Variants in CD96 observed in about 807,000 individuals in gnomAD.
CD96 encodes the protein CD96 molecule.
CD96 carries 70 observed loss-of-function variants against 71.3 expected under a neutral mutation model. The ratio of observed to expected loss-of-function variants is 0.98; its 90% CI spans 0.81 to 1.20. The LOEUF (loss-of-function observed/expected upper bound fraction) is 1.20. Ranked by LOEUF, CD96 falls within the 50% of genes most tolerant of loss-of-function variation. The pLI is 0.00. For missense variants in CD96, 742 were observed against 677.5 expected (o/e 1.10, Z -1.06); for synonymous variants, 248 against 233.0 (o/e 1.06, Z -0.59).
At chr3:111,625,035 G>A (rs751072689) in intron 10 of CD96, among the ~76,000 whole-genome samples, 2 of 152,242 alleles carry the variant, frequency 1.3e-5, no homozygotes, top group Non-Finnish European at 2.9e-5. Context: ...GAGAGAGGAC[G>A]ATGGATGCCA....
At chr3:111,611,892 G>A (rs532635943) in intron 8 of CD96, among the ~76,000 whole-genome samples, 1 of 152,312 alleles carries the variant, frequency 6.6e-6, no homozygotes, top group East Asian at 1.9e-4. Context: ...AACTCATTTA[G>A]CCCCAATTCA....
At position 111,649,718 on chromosome 3, in the gene CD96, T is replaced by G. The variant is rs760873204; in HGVS notation, c.1622T>G (p.Phe541Cys). The change falls in exon 14 of 14, where the codon TTC becomes TGC. Residue 541 changes from phenylalanine to cysteine, a missense_variant. Physicochemically the swap from Phe to Cys is radical, Grantham distance 205 (BLOSUM62 -2). Transcript: ENST00000352690. Reference sequence around the variant, plus strand: ...CCTAGAATGGAAAGACCTCCACCTTTCAAGCCACCACCACCTCCCATCAAG... The same window carrying G: ...CCTAGAATGGAAAGACCTCCACCTTGCAAGCCACCACCACCTCCCATCAAG... ...QKEIMERPPP[F>C]KPPPPPIKYT... 1.1e-5 allele frequency: 17 copies of G among 1,613,728 alleles called. No individual in the cohort carries two copies. The highest frequency in any genetic ancestry group is 1.7e-4 in the Middle Eastern group (1 of 6,060).
intron 2 of CD96, among the ~76,000 whole-genome samples, chr3:111,554,921 A>G (rs1431371752): frequency 6.6e-6 from 1 of 152,028 alleles, no homozygotes; most frequent in Admixed American, 6.6e-5. Context: ...ATCATCAGGC[A>G]TTAGATTCTC....
intron 5 of CD96, among the ~76,000 whole-genome samples, chr3:111,587,373 C>T (rs561285442): frequency 2.2e-4 from 34 of 152,274 alleles, no homozygotes; most frequent in African/African-American, 7.7e-4. Flanking sequence ...CCTCTTCTCA[C>T]ATCTCTGCTA....
chr3:111,593,817 G>C, intron 5 of CD96: 1 of 1,614,156 alleles, frequency 6.2e-7, no homozygotes, highest in East Asian at 2.2e-5. Context: ...GGGAGCTGGG[G>C]CCCGTGGGGC....
In CD96 at chr3:111,567,513, T is replaced by C. The variant is rs760810384; in HGVS notation, c.419-10T>C. ...GATTCACATATTTTCTACCTTATGT[T>C]TTGTTACAGTTACAGCAGATGAATG... On this transcript the variant is annotated splice_polypyrimidine_tract_variant and intron_variant, in intron 2 of 13. Transcript: ENST00000352690. 6.2e-7 allele frequency: 1 copy of C among 1,605,206 alleles called. No homozygotes were observed. The highest frequency in any genetic ancestry group is 1.7e-5 in the Admixed American group (1 of 60,000).
chr3:111,609,115 A>C (rs1012582036), intron 8 of CD96, among the ~76,000 whole-genome samples: 1 of 152,088 alleles, frequency 6.6e-6, no homozygotes, highest in Non-Finnish European at 1.5e-5. Flanking sequence ...AGAGCTCGAA[A>C]GAACGTTCTA....
chr3:111,555,861 T>C (rs1052713780), intron 2 of CD96, among the ~76,000 whole-genome samples: 5 of 152,304 alleles, frequency 3.3e-5, no homozygotes, highest in African/African-American at 9.6e-5. Context: ...TCCATCCCCT[T>C]ACTCTTTCAC....
At chr3:111,562,079 C>T (rs891167293) in intron 2 of CD96, among the ~76,000 whole-genome samples, 13 of 152,226 alleles carry the variant, frequency 8.5e-5, no homozygotes, top group Non-Finnish European at 7.3e-5. Context: ...CCGCACGGTG[C>T]GCGCACCCAC....
intron 12 of CD96, among the ~76,000 whole-genome samples, chr3:111,642,958 C>T (rs1342173802): frequency 6.6e-6 from 1 of 151,640 alleles, no homozygotes; most frequent in Non-Finnish European, 1.5e-5. Flanking sequence ...GGAATCCTCC[C>T]TAATTCATTC....
chr3:111,589,187 T>G (rs1936858060), intron 5 of CD96, among the ~76,000 whole-genome samples: 2 of 152,028 alleles, frequency 1.3e-5, no homozygotes, highest in Admixed American at 6.5e-5. Flanking sequence ...CCTGACCTCG[T>G]GATCCGCCCG....
downstream of CD96, among the ~76,000 whole-genome samples, chr3:111,657,174 T>C (rs1316325647): frequency 2.0e-5 from 3 of 151,946 alleles, no homozygotes; most frequent in South Asian, 4.2e-4. Flanking sequence ...AATCCCAGCA[T>C]TTTGGGAGGC....
At chr3:111,562,407 T>A (rs2107531948) in intron 2 of CD96, among the ~76,000 whole-genome samples, 1 of 152,298 alleles carries the variant, frequency 6.6e-6, no homozygotes, top group African/African-American at 2.4e-5. Flanking sequence ...AGACAGACTA[T>A]AGAATATATA....
At chr3:111,643,308 T>C (rs545218950) in intron 12 of CD96, among the ~76,000 whole-genome samples, 3 of 152,016 alleles carry the variant, frequency 2.0e-5, no homozygotes, top group African/African-American at 4.8e-5. Flanking sequence ...CTCAGCAAAA[T>C]TGGCACACAA....
chr3:111,594,401 TACA>T, intron 5 of CD96: 1 of 572,584 alleles, frequency 1.7e-6, no homozygotes, highest in Non-Finnish European at 3.0e-6. Flanking sequence ...GTGAGTCAGA[TACA>T]AGCAAAACAG....
In CD96 at chr3:111,556,568, T is replaced by A. The variant is rs1055338863; in HGVS notation, c.419-10955T>A. Reference sequence around the variant, plus strand: ...TTTATGGCTGCATAGTATTCCACGGTGTATATGTTCCACATTTTCTTAATC... The same window carrying A: ...TTTATGGCTGCATAGTATTCCACGGAGTATATGTTCCACATTTTCTTAATC... On this transcript the variant is annotated intron_variant, in intron 2 of 13. Coordinates refer to ENST00000352690, the MANE Select transcript of CD96 (RefSeq NM_005816.5). Among the ~76,000 whole-genome samples the A allele has an allele frequency of 5.2e-5, 7 of 135,656 alleles. 1 individual carries two copies. Among genetic ancestry groups the A allele is most frequent in the Admixed American group, 5.1e-4 (7 of 13,608 alleles). 89.0% of individuals were successfully genotyped at this position (135,656 alleles called of 152,430 possible). A position where few individuals can be genotyped will look rare whatever the true frequency, so the allele number is the denominator to read the frequency against.
intron 4 of CD96, among the ~76,000 whole-genome samples, chr3:111,580,167 GC>G (rs1186415124): frequency 2.6e-5 from 4 of 152,210 alleles, no homozygotes; most frequent in Non-Finnish European, 5.9e-5. Context: ...CAGCAAAGGA[GC>G]CTTTAGGAAA....
At chr3:111,582,533 G>A (rs1936514000) in intron 4 of CD96, among the ~76,000 whole-genome samples, 1 of 152,118 alleles carries the variant, frequency 6.6e-6, no homozygotes, top group South Asian at 2.1e-4. Flanking sequence ...CTCCACTTCA[G>A]GGACCTTTAT....
At chr3:111,630,131 A>G (rs569313133) in intron 10 of CD96, among the ~76,000 whole-genome samples, 7 of 152,312 alleles carry the variant, frequency 4.6e-5, no homozygotes, top group African/African-American at 1.7e-4. Flanking sequence ...CAAACCCCAA[A>G]GCTAGCAGAA....
Sources: gnomAD v4.1 joint callset for allele counts (sites outside exome capture counted in the v4.1 genomes callset) on GRCh38, gnomAD v4.1.1 for gene constraint, MANE v1.5 for transcripts, NCBI Gene and HGNC (gene_info 2026-07-23, HGNC 2026-07-21) for gene names.